Variants in MMS22L observed in about 807,000 individuals in gnomAD.
The protein encoded by MMS22L is protein MMS22-like.
Under a neutral mutation model 159.1 loss-of-function variants are expected in MMS22L, and 74 were observed. That is an observed-to-expected ratio of 0.47 (90% confidence interval 0.39 to 0.56). The LOEUF (loss-of-function observed/expected upper bound fraction) is 0.56. Ranked by LOEUF, MMS22L falls within the 20% of genes least tolerant of loss-of-function variation. The pLI is 0.00. For missense variants in MMS22L, 1,351 were observed against 1,422.1 expected (o/e 0.95, Z 0.80); for synonymous variants, 517 against 506.9 (o/e 1.02, Z -0.27).
At chr6:97,155,311 A>G (rs1801714299) in intron 22 of MMS22L, among the ~76,000 whole-genome samples, 1 of 105,386 alleles carries the variant, frequency 9.5e-6, no homozygotes, top group Admixed American at 8.5e-5. Flanking sequence ...TAGTCTTCCA[A>G]ATTTTTAAAT....
intron 14 of MMS22L, among the ~76,000 whole-genome samples, chr6:97,220,861 AAAC>A (rs560206562): frequency 1.2e-4 from 18 of 151,928 alleles, no homozygotes; most frequent in South Asian, 2.1e-4. Flanking sequence ...TTACACACTA[AAAC>A]AACAACAACA....
chr6:97,181,651 G>A (rs1022502497), intron 16 of MMS22L, among the ~76,000 whole-genome samples: 1 of 152,034 alleles, frequency 6.6e-6, no homozygotes, highest in Non-Finnish European at 1.5e-5. Context: ...ATGATGATAA[G>A]GCAGTCTTAC....
At chr6:97,210,967 A>G (rs556352948) in intron 14 of MMS22L, among the ~76,000 whole-genome samples, 7 of 152,132 alleles carry the variant, frequency 4.6e-5, no homozygotes, top group African/African-American at 1.7e-4. Context: ...AGGAATGACC[A>G]TGGAGACATA....
chr6:97,281,293 C>G lies in MMS22L; in HGVS notation c.234G>C (p.Gln78His). 6.2e-7 allele frequency: 1 copy of G among 1,611,086 alleles called. No homozygotes were observed. The highest frequency in any genetic ancestry group is 8.5e-7 in the Non-Finnish European group (1 of 1,178,826). The change falls in exon 3 of 25, where the codon CAG becomes CAC. Residue 78 changes from glutamine to histidine, a missense_variant. Gln to His is a conservative substitution (Grantham distance 24, BLOSUM62 0). Coordinates refer to ENST00000683635, the MANE Select transcript of MMS22L (RefSeq NM_001350599.2). Reference sequence around the variant, plus strand: ...TCACTAATGCTGTTTCAGTAACCCACTGAATGCCAAATATTTCCAAGGTAT... The same window carrying G: ...TCACTAATGCTGTTTCAGTAACCCAGTGAATGCCAAATATTTCCAAGGTAT... The part of the protein sequence containing the change: ...EEDTLEIFGI[Q>H]WVTETALVNS...
intron 15 of MMS22L, among the ~76,000 whole-genome samples, chr6:97,184,043 T>C (rs1047838550): frequency 1.1e-4 from 17 of 152,174 alleles, no homozygotes; most frequent in African/African-American, 4.1e-4. Context: ...AATCATCTTC[T>C]ATCAGGCCTT....
At chr6:97,260,890 T>C (rs1440713849) in intron 9 of MMS22L, 1 of 151,954 alleles carries the variant, frequency 6.6e-6, no homozygotes, top group Non-Finnish European at 1.5e-5. Flanking sequence ...TATGAGTCCT[T>C]TGATTTATTC....
intron 4 of MMS22L, among the ~76,000 whole-genome samples, chr6:97,276,336 T>C (rs1392689595): frequency 6.6e-6 from 1 of 152,180 alleles, no homozygotes; most frequent in Non-Finnish European, 1.5e-5. Flanking sequence ...CAAACAACCA[T>C]CTTAACAAAT....
intron 9 of MMS22L, among the ~76,000 whole-genome samples, chr6:97,256,141 G>T (rs1285287002): frequency 1.3e-5 from 2 of 151,886 alleles, no homozygotes; most frequent in East Asian, 1.9e-4. Flanking sequence ...CTTCTCTGGG[G>T]TTGAATATTA....
At chr6:97,212,591 CTCT>C (rs1808506529) in intron 14 of MMS22L, among the ~76,000 whole-genome samples, 1 of 152,148 alleles carries the variant, frequency 6.6e-6, no homozygotes, top group Admixed American at 6.5e-5. Context: ...TCCAAATCAG[CTCT>C]TCAATACGTA....
intron 15 of MMS22L, among the ~76,000 whole-genome samples, chr6:97,185,569 T>C (rs569666651): frequency 6.6e-6 from 1 of 152,288 alleles, no homozygotes; most frequent in Non-Finnish European, 1.5e-5. Context: ...TTTATTTTCA[T>C]AGACATTACA....
chr6:97,208,874 A>G (rs1429867310), intron 14 of MMS22L, among the ~76,000 whole-genome samples: 3 of 151,970 alleles, frequency 2.0e-5, no homozygotes, highest in African/African-American at 7.2e-5. Context: ...CATTCATCAG[A>G]CTAGTTTGTA....
intron 22 of MMS22L, among the ~76,000 whole-genome samples, chr6:97,153,972 A>G (rs1801587058): frequency 6.6e-6 from 1 of 152,178 alleles, no homozygotes. Context: ...TTAAATATAT[A>G]TATATATCTA....
chr6:97,261,809 G>GA (rs1347091168), intron 9 of MMS22L: 1 of 152,110 alleles, frequency 6.6e-6, no homozygotes, highest in East Asian at 1.9e-4. Flanking sequence ...TCAATGCCTT[G>GA]AAATTTTTTT....
chr6:97,178,408 TA>T, intron 18 of MMS22L, 34 bp downstream of exon 18: 1 of 1,429,936 alleles, frequency 7.0e-7, no homozygotes, highest in Non-Finnish European at 9.4e-7. Context: ...TAATTGTAAT[TA>T]ATCTGGACAA....
rs963582550 is a variant in MMS22L at position 97,282,507 on chromosome 6, G to C, written c.-30C>G. On this transcript the variant is annotated 5_prime_UTR_variant, in exon 2 of 25. Transcript: ENST00000683635. ...TACTTCATGTTCTGAAACACTTGGG[G>C]TTCGTCGTATCATTAAGGGCTCCAA... 1.4e-6 allele frequency: 2 copies of C among 1,481,136 alleles called. No homozygotes were observed. The highest frequency in any genetic ancestry group is 3.7e-5 in the Admixed American group (2 of 54,224). 91.7% of individuals were successfully genotyped at this position (1,481,136 alleles called of 1,614,324 possible). A position where few individuals can be genotyped will look rare whatever the true frequency, so the allele number is the denominator to read the frequency against.
chr6:97,258,900 G>T (rs761067510), intron 9 of MMS22L: 12 of 152,078 alleles, frequency 7.9e-5, no homozygotes, highest in Non-Finnish European at 1.6e-4. Context: ...AAGTTCAGTT[G>T]TTTCTGTTAT....
chr6:97,168,089 A>C lies in MMS22L; in HGVS notation c.2991T>G (p.Ser997Arg), dbSNP rs779032013. 6.2e-7 allele frequency: 1 copy of C among 1,609,836 alleles called. No individual in the cohort carries two copies. Among genetic ancestry groups the C allele is most frequent in the African/African-American group, 1.3e-5 (1 of 74,694 alleles). The change falls in exon 20 of 25, where the codon AGT becomes AGG. Residue 997 changes from serine to arginine, a missense_variant. Physicochemically the swap from Ser to Arg is moderately radical, Grantham distance 110 (BLOSUM62 -1). Coordinates refer to ENST00000683635, the MANE Select transcript of MMS22L (RefSeq NM_001350599.2). The part of the protein sequence containing the change: ...PAPMLSAIQK[S>R]LPLYLQGMCI... ...ACTATACCTGGAGATACAAAGGAAG[A>C]CTTTTCTGAATTGCTGACAACATAG... is the stretch of plus-strand genomic sequence containing the variant.
intron 22 of MMS22L, 49 bp from the exon 23 acceptor site, chr6:97,151,916 T>A: frequency 7.2e-7 from 1 of 1,394,352 alleles, no homozygotes; most frequent in Non-Finnish European, 1.0e-6. Context: ...ATTGACCATC[T>A]GGATCCTCAT....
intron 22 of MMS22L, among the ~76,000 whole-genome samples, chr6:97,153,447 T>C (rs1297780577): frequency 6.8e-6 from 1 of 147,714 alleles, no homozygotes; most frequent in South Asian, 2.2e-4. Context: ...TCTCAGCTCA[T>C]TGCAACCTCT....
Sources: gnomAD v4.1 joint callset for allele counts (sites outside exome capture counted in the v4.1 genomes callset) on GRCh38, gnomAD v4.1.1 for gene constraint, MANE v1.5 for transcripts, NCBI Gene and HGNC (gene_info 2026-07-23, HGNC 2026-07-21) for gene names.